The following ZMAT4 variants were observed in gnomAD, a reference collection of about 807,000 sequenced individuals.
ZMAT4 encodes the protein zinc finger matrin-type protein 4.
ZMAT4 carries 17 observed loss-of-function variants against 28.7 expected under a neutral mutation model. That is an observed-to-expected ratio of 0.59 (90% confidence interval 0.41 to 0.89). ZMAT4 has a LOEUF of 0.89. Ranked by LOEUF, ZMAT4 falls within the 40% of genes least tolerant of loss-of-function variation. The pLI is 0.00. For synonymous variants in ZMAT4, 117 were observed against 109.2 expected, an observed-to-expected ratio of 1.07 and a Z score of -0.44; for missense variants, 240 against 283.8, an observed-to-expected ratio of 0.85 and a Z score of 1.11.
intron 5 of ZMAT4, among the ~76,000 whole-genome samples, chr8:40,643,549 A>C (rs1023742701): frequency 3.4e-4 from 51 of 152,166 alleles, no homozygotes; most frequent in Non-Finnish European, 4.4e-5. Context: ...ATGATGAAAC[A>C]AAGATACAAG....
intron 1 of ZMAT4, among the ~76,000 whole-genome samples, chr8:40,862,238 C>A (rs1181694896): frequency 6.6e-6 from 1 of 151,756 alleles, no homozygotes; most frequent in Non-Finnish European, 1.5e-5. Context: ...TACTATGCAG[C>A]CATAAAAAAG....
rs1009306337 is a variant in ZMAT4, at chr8:40,701,742, T to A, written c.193-4341A>T. Among the ~76,000 whole-genome samples, 3 of 152,062 alleles carry A rather than the reference T, an allele frequency of 2.0e-5. No homozygotes were observed. The South Asian group carries it at 6.2e-4, about 32-fold the overall frequency. The stretch of plus-strand genomic sequence containing the variant: ...CATGTTGGCCAAGCTAGTCTCGAAC[T>A]CCTGACCTGAAGTGATCTGTCCACC... On this transcript the variant is annotated intron_variant, in intron 3 of 6. Coordinates refer to ENST00000297737, the MANE Select transcript of ZMAT4 (RefSeq NM_024645.3).
intron 3 of ZMAT4, among the ~76,000 whole-genome samples, chr8:40,753,365 A>G (rs988210476): frequency 6.6e-6 from 1 of 152,138 alleles, no homozygotes; most frequent in Non-Finnish European, 1.5e-5. Flanking sequence ...TGCAAAACAT[A>G]TATCTCTGTG....
Position 40,886,566 on chromosome 8 carries a change from G to T in ZMAT4, c.-5+11117C>A, listed in dbSNP as rs1284100504. Among the ~76,000 whole-genome samples, 7 of 152,160 alleles carry T rather than the reference G, an allele frequency of 4.6e-5. No individual in the cohort carries two copies. In the East Asian group the frequency reaches 1.3e-3, roughly 29 times the overall value. The stretch of plus-strand genomic sequence containing the variant: ...AAATGCTTAAACATCTGAAAACAGT[G>T]GGCAGGCAGCCTTAGGTTCTATTTC... On this transcript the variant is annotated intron_variant, in intron 1 of 6. Transcript: ENST00000297737.
At chr8:40,542,538 GCCACCACTC>G (rs1803072766) in intron 6 of ZMAT4, among the ~76,000 whole-genome samples, 1 of 151,828 alleles carries the variant, frequency 6.6e-6, no homozygotes, top group Non-Finnish European at 1.5e-5. Flanking sequence ...ACACGTACAT[GCCACCACTC>G]CCAGCTAAGT....
intron 5 of ZMAT4, among the ~76,000 whole-genome samples, chr8:40,629,439 G>T (rs1436605835): frequency 6.6e-6 from 1 of 150,748 alleles, no homozygotes; most frequent in Non-Finnish European, 1.5e-5. Flanking sequence ...AAGTTTTAGG[G>T]TACATGTGCA....
At chr8:40,532,306 C>T (rs1003327074) in intron 6 of ZMAT4, 68 bp from the exon 7 acceptor site, 17 of 1,414,786 alleles carry the variant, frequency 1.2e-5, no homozygotes, top group African/African-American at 8.7e-5. Flanking sequence ...CTCTTTCTCC[C>T]CCCCACCCCC....
At chr8:40,601,572 AAG>A (rs1242441163) in intron 5 of ZMAT4, among the ~76,000 whole-genome samples, 2 of 5,192 alleles carry the variant, frequency 3.9e-4, no homozygotes, top group African/African-American at 8.3e-4. Flanking sequence ...AGAAGAAAGA[AAG>A]AAAGAAAGAA....
intron 2 of ZMAT4, among the ~76,000 whole-genome samples, chr8:40,789,795 C>T (rs1288325799): frequency 6.6e-6 from 1 of 152,188 alleles, no homozygotes; most frequent in East Asian, 1.9e-4. Context: ...AGTAATGAGT[C>T]CAGGAAGGCA....
At chr8:40,760,927 A>G (rs1444182831) in intron 3 of ZMAT4, among the ~76,000 whole-genome samples, 1 of 152,156 alleles carries the variant, frequency 6.6e-6, no homozygotes, top group African/African-American at 2.4e-5. Flanking sequence ...GTGGTTTCCT[A>G]AAAATGAAGG....
chr8:40,877,187 A>G (rs2137278), intron 1 of ZMAT4, among the ~76,000 whole-genome samples: 1 of 152,110 alleles, frequency 6.6e-6, no homozygotes, highest in African/African-American at 2.4e-5. Context: ...AGCCAAGAAC[A>G]GTGGTCAGGG....
intron 1 of ZMAT4, among the ~76,000 whole-genome samples, chr8:40,881,454 A>AGAAG (rs1286461675): frequency 2.2e-5 from 3 of 137,692 alleles, no homozygotes; most frequent in Non-Finnish European, 3.2e-5. Flanking sequence ...AAAGAAAGAA[A>AGAAG]GAAAGAAAGA....
chr8:40,812,415 T>C (rs887844566), intron 2 of ZMAT4, among the ~76,000 whole-genome samples: 27 of 152,308 alleles, frequency 1.8e-4, no homozygotes, highest in African/African-American at 6.5e-4. Flanking sequence ...ATCAAACGTA[T>C]CTCGGCTGAG....
intron 3 of ZMAT4, among the ~76,000 whole-genome samples, chr8:40,700,747 C>A (rs1171820830): frequency 2.0e-5 from 3 of 152,232 alleles, no homozygotes; most frequent in African/African-American, 4.8e-5. Flanking sequence ...GCTCCCTCTA[C>A]TGTCTGGGAG....
At chr8:40,820,388 G>T (rs1319312599) in intron 2 of ZMAT4, among the ~76,000 whole-genome samples, 1 of 136,408 alleles carries the variant, frequency 7.3e-6, no homozygotes, top group East Asian at 2.4e-4. Context: ...GTGTGTAGAG[G>T]TGTTTGTGTG....
At chr8:40,881,556 A>C (rs547220489) in intron 1 of ZMAT4, among the ~76,000 whole-genome samples, 15 of 97,408 alleles carry the variant, frequency 1.5e-4, no homozygotes, top group African/African-American at 6.3e-4. Context: ...GAAAGAAAGA[A>C]AGAAAGAAAG....
intron 2 of ZMAT4, among the ~76,000 whole-genome samples, chr8:40,796,033 A>C (rs560991830): frequency 6.6e-6 from 1 of 152,338 alleles, no homozygotes; most frequent in South Asian, 2.1e-4. Flanking sequence ...GAGATAGAGA[A>C]TAGCAACTCT....
chr8:40,852,521 A>T (rs1817149445), intron 1 of ZMAT4, among the ~76,000 whole-genome samples: 1 of 152,194 alleles, frequency 6.6e-6, no homozygotes, highest in Non-Finnish European at 1.5e-5. Flanking sequence ...TCACACAGAT[A>T]TATAGTTGGA....
chr8:40,706,537 C>A (rs566472521), intron 3 of ZMAT4, among the ~76,000 whole-genome samples: 1 of 152,118 alleles, frequency 6.6e-6, no homozygotes, highest in Non-Finnish European at 1.5e-5. Context: ...GAATTTTTGG[C>A]CGAATTCATG....
Sources: allele counts gnomAD v4.1 joint callset (sites outside exome capture counted in the v4.1 genomes callset), GRCh38; gene constraint gnomAD v4.1.1; transcripts MANE v1.5; gene names NCBI Gene and HGNC (gene_info 2026-07-23, HGNC 2026-07-21).